The following LMF1 variants were observed in gnomAD, a reference collection of about 807,000 sequenced individuals.
LMF1 encodes the protein transmembrane protein 112.
LMF1 carries 68 observed loss-of-function variants against 60.6 expected under a neutral mutation model. The observed-to-expected ratio is 1.12, with a 90% CI of 0.92 to 1.37. The LOEUF is 1.37. Ranked by LOEUF, LMF1 falls within the 40% of genes most tolerant of loss-of-function variation. The probability of loss-of-function intolerance (pLI) is 0.00; values close to 1 mark genes in which losing one functional copy is unlikely to be tolerated. For synonymous variants in LMF1, 418 were observed against 324.7 expected (o/e 1.29, Z -3.09); for missense variants, 948 against 767.2 (o/e 1.24, Z -2.78).
intron 5 of LMF1, 139 bp from the exon 6 acceptor site, chr16:879,876 G>C (rs1235401397): frequency 1.3e-6 from 1 of 787,308 alleles, no homozygotes; most frequent in African/African-American, 1.8e-5. Context: ...CCCTGCACAC[G>C]TGGAGCCCAC....
Position 874,650 on chromosome 16 carries a change from G to A in LMF1, c.898-3309C>T, listed in dbSNP as rs1028504288. Reference sequence around the variant, plus strand: ...GCTGCTCATGCCGCAACTCCCCAACGGAAGGATCACGGGAACCAGGACAGG... The same window carrying A: ...GCTGCTCATGCCGCAACTCCCCAACAGAAGGATCACGGGAACCAGGACAGG... On this transcript the variant is annotated intron_variant, in intron 6 of 10. Transcript: ENST00000262301. The surrounding 1 kb of genome is among the most constrained non-coding windows in gnomAD (Gnocchi z 4.1). 5.9e-5 allele frequency among the ~76,000 whole-genome samples: 9 copies of A among 152,144 alleles called. No homozygotes were observed. The highest frequency in any genetic ancestry group is 4.6e-4 in the Admixed American group (7 of 15,278).
intron 10 of LMF1, among the ~76,000 whole-genome samples, chr16:859,155 G>C (rs544513096): frequency 2.4e-4 from 31 of 128,708 alleles, no homozygotes; most frequent in Middle Eastern, 5.5e-3. Flanking sequence ...CGGGTGTGCA[G>C]TGGTGTCTCG....
upstream of LMF1, chr16:981,324 G>C (rs1469736953): frequency 1.8e-4 from 59 of 320,170 alleles, no homozygotes; most frequent in Non-Finnish European, 3.5e-4. Flanking sequence ...GAGAGAGAGA[G>C]AGAGAGAGAG....
At position 960,374 on chromosome 16, in the gene LMF1, C is replaced by T. The variant is rs1372939233; in HGVS notation, c.194-5708G>A. ...GGATCACGACCCAGACACAGACTCA[C>T]GGTGACAGCACGGGATCACGACCCA... On this transcript the variant is annotated intron_variant, in intron 1 of 10. Coordinates refer to ENST00000262301, the MANE Select transcript of LMF1 (RefSeq NM_022773.4). Among the ~76,000 whole-genome samples the T allele has an allele frequency of 7.8e-4, 78 of 99,746 alleles. 1 individual carries two copies. Among genetic ancestry groups the T allele is most frequent in the African/African-American group, 3.4e-3 (73 of 21,382 alleles). The allele number at this position is 99,746 out of a possible 152,430, so 65.4% of individuals were successfully genotyped here. A position where few individuals can be genotyped will look rare whatever the true frequency, so the allele number is the denominator to read the frequency against.
chr16:918,222 T>C (rs1330961255), intron 3 of LMF1, among the ~76,000 whole-genome samples: 1 of 152,198 alleles, frequency 6.6e-6, no homozygotes, highest in Admixed American at 6.5e-5. Context: ...CCGTGGGCGC[T>C]GCCGAGAAAC....
intron 4 of LMF1, among the ~76,000 whole-genome samples, chr16:895,844 C>T (rs945575833): frequency 6.6e-6 from 1 of 151,784 alleles, no homozygotes; most frequent in Non-Finnish European, 1.5e-5. Flanking sequence ...GGTCCACACA[C>T]ACGCCTCGGA....
chr16:929,434 C>T (rs1244496981), intron 3 of LMF1, among the ~76,000 whole-genome samples: 3 of 152,200 alleles, frequency 2.0e-5, no homozygotes, highest in East Asian at 1.9e-4. Flanking sequence ...GGTGCATTGT[C>T]GGGAGGGTGC....
intron 5 of LMF1, among the ~76,000 whole-genome samples, chr16:880,652 G>A (rs754816076): frequency 4.4e-4 from 67 of 152,368 alleles, no homozygotes; most frequent in Non-Finnish European, 2.8e-4. Flanking sequence ...CTAGGCAACA[G>A]AACAAGACCT....
At chr16:885,764 T>A (rs960259341) in intron 5 of LMF1, among the ~76,000 whole-genome samples, 5 of 152,124 alleles carry the variant, frequency 3.3e-5, no homozygotes, top group African/African-American at 4.8e-5. Context: ...CATAGAGAAA[T>A]CCATAATTAT....
chr16:955,631 A>G (rs1002698375), intron 1 of LMF1, among the ~76,000 whole-genome samples: 3 of 152,224 alleles, frequency 2.0e-5, no homozygotes, highest in Admixed American at 1.3e-4. Context: ...ACGCATACGC[A>G]TAGAAGCAAA....
In LMF1 at chr16:962,378, C is replaced by G. The variant is rs972790391; in HGVS notation, c.194-7712G>C. ...CTCACAGAGGAATTCCACATAATGTCCGCAGACACTCCCTTCAGGAGGCGG... is the reference window on the plus strand; with the variant it reads ...CTCACAGAGGAATTCCACATAATGTGCGCAGACACTCCCTTCAGGAGGCGG... On this transcript the variant is annotated intron_variant, in intron 1 of 10. Transcript: ENST00000262301. The surrounding 1 kb of genome is among the most constrained non-coding windows in gnomAD (Gnocchi z 4.5). Among the ~76,000 whole-genome samples the G allele has an allele frequency of 2.0e-5, 3 of 152,252 alleles. No individual in the cohort carries two copies. The highest frequency in any genetic ancestry group is 7.2e-5 in the African/African-American group (3 of 41,468).
At chr16:911,843 G>A (rs576606070) in intron 3 of LMF1, among the ~76,000 whole-genome samples, 40 of 152,196 alleles carry the variant, frequency 2.6e-4, no homozygotes, top group African/African-American at 8.4e-4. Flanking sequence ...AACCAACACC[G>A]GTCAGCCCCT....
chr16:869,027 G>C lies in LMF1; in HGVS notation c.1446C>G (p.His482Gln). 1 of 1,612,628 alleles carries C rather than the reference G, an allele frequency of 6.2e-7. No homozygotes were observed. Among genetic ancestry groups the C allele is most frequent in the South Asian group, 1.1e-5 (1 of 91,062 alleles). The change falls in exon 10 of 11, where the codon CAC becomes CAG. Residue 482 changes from histidine to glutamine, a missense_variant. Transcript: ENST00000262301. The stretch of plus-strand genomic sequence containing the variant: ...CGCTGGCCAGGAGCTTGCCAGCCAG[G>C]TGGATGATCCAGTCGTTGTGCTCGT... ...QTYEHNDWII[H>Q]LAGKLLASDA... is the part of the protein sequence containing the mutation.
rs1437423146 is a variant in LMF1, at chr16:949,013, CGACAGAGTCAGTCAAT to C, written c.503+5328_503+5343del. Among the ~76,000 whole-genome samples, 62 of 88,160 alleles carry C rather than the reference CGACAGAGTCAGTCAAT, an allele frequency of 7.0e-4. 7 individuals are homozygous for C. The highest frequency in any genetic ancestry group is 3.4e-3 in the South Asian group (7 of 2,066). The allele number at this position is 88,160 out of a possible 152,430, so 57.8% of individuals were successfully genotyped here. A position where few individuals can be genotyped will look rare whatever the true frequency, so the allele number is the denominator to read the frequency against. On this transcript the variant is annotated intron_variant, in intron 2 of 10. Transcript: ENST00000262301. ...CAGCCAACGACAGAGTCAGAGCCAA[CGACAGAGTCAGTCAAT>C]GACAGAGTCAGCCAACGACAGAGTC...
intron 5 of LMF1, among the ~76,000 whole-genome samples, chr16:881,740 C>T (rs752572045): frequency 1.3e-5 from 2 of 152,134 alleles, no homozygotes; most frequent in South Asian, 2.1e-4. Context: ...GGGGTTGCGG[C>T]GAGACCCATG....
At chr16:922,289 C>T (rs2071452248) in intron 3 of LMF1, among the ~76,000 whole-genome samples, 2 of 152,192 alleles carry the variant, frequency 1.3e-5, no homozygotes, top group African/African-American at 4.8e-5. Flanking sequence ...AGAAGGCAGC[C>T]ACCTCCCGAG....
At chr16:944,457 T>C (rs1181868261) in intron 2 of LMF1, among the ~76,000 whole-genome samples, 3 of 152,272 alleles carry the variant, frequency 2.0e-5, no homozygotes, top group African/African-American at 7.2e-5. Context: ...CTCCTGAGCT[T>C]GGAGACGCCT....
intron 3 of LMF1, among the ~76,000 whole-genome samples, chr16:922,364 G>A (rs1346573500): frequency 2.6e-5 from 4 of 152,244 alleles, no homozygotes; most frequent in Non-Finnish European, 5.9e-5. Flanking sequence ...GCGACTGGTA[G>A]CCAGGTAGGC....
Position 878,405 on chromosome 16 carries a change from G to T in LMF1, c.897+1165C>A, listed in dbSNP as rs548086152. Among the ~76,000 whole-genome samples, 25 of 152,268 alleles carry T rather than the reference G, an allele frequency of 1.6e-4. No homozygotes were observed. In the East Asian group the frequency reaches 4.8e-3, roughly 29 times the overall value. On this transcript the variant is annotated intron_variant, in intron 6 of 10. Coordinates refer to ENST00000262301, the MANE Select transcript of LMF1 (RefSeq NM_022773.4). This position sits in a 1 kb window ranked among gnomAD's most constrained non-coding sequence, Gnocchi z 5.2. ...GGCCAGAGTGAGGGTCCTTGCTGGG[G>T]GGAGGGGTCAAGAACAGCACAGCCA...
Sources: allele counts gnomAD v4.1 joint callset (sites outside exome capture counted in the v4.1 genomes callset), GRCh38; gene constraint gnomAD v4.1.1; non-coding constraint Gnocchi (gnomAD v3.1); transcripts MANE v1.5; gene names NCBI Gene and HGNC (gene_info 2026-07-23, HGNC 2026-07-21).